The following ZNF99 variants were observed in gnomAD, a reference collection of about 807,000 sequenced individuals.
The protein encoded by ZNF99 is zinc finger protein 99, also known as zinc finger protein ENSP00000375192.
In ZNF99, 8 loss-of-function variants were observed where a neutral mutation model predicts 12.8. That is an observed-to-expected ratio of 0.62 (90% CI 0.37 to 1.13). The LOEUF is 1.13. Among genes scored for constraint, ZNF99 ranks in the 50% most tolerant of loss-of-function variants. The pLI, the probability that ZNF99 is intolerant of heterozygous loss-of-function variation, is 0.02. For missense variants in ZNF99, 1,007 were observed against 1,006.2 expected, an observed-to-expected ratio of 1.00 and a Z score of -0.01; for synonymous variants, 318 against 319.0, an observed-to-expected ratio of 1.00 and a Z score of 0.03.
intron 3 of ZNF99, among the ~76,000 whole-genome samples, chr19:22,763,824 C>T (rs1045765210): frequency 6.7e-6 from 1 of 150,100 alleles, no homozygotes; most frequent in African/African-American, 2.4e-5. Context: ...GAAATAAACC[C>T]AAATATTACA....
At chr19:22,783,444 G>GT (rs538247957) in intron 1 of ZNF99, among the ~76,000 whole-genome samples, 106 of 152,038 alleles carry the variant, frequency 7.0e-4, no homozygotes, top group Middle Eastern at 3.4e-3. Context: ...AAGAATCTAC[G>GT]TAACTGTACA....
intron 1 of ZNF99, 144 bp downstream of exon 1, chr19:22,783,870 G>A (rs1973418079): frequency 1.8e-6 from 2 of 1,087,368 alleles, no homozygotes; most frequent in Admixed American, 1.8e-5. Flanking sequence ...TATGGCTGAA[G>A]GAGACTGAGG....
Position 22,754,365 on chromosome 19 carries a change from TC to T in ZNF99, c.*2948del, listed in dbSNP as rs770484125. 5.4e-3 allele frequency: 2,012 copies of T among 370,946 alleles called. 9 individuals carry two copies. The highest frequency in any genetic ancestry group is 0.024 in the African/African-American group (1,010 of 42,336). The allele number at this position is 370,946 out of a possible 1,614,324, so 23.0% of individuals were successfully genotyped here. A position where few individuals can be genotyped will look rare whatever the true frequency, so the allele number is the denominator to read the frequency against. ...TTGGGCGACAGAGTGAGACTCCATT[TC>T]AAAAAAAAAAAAAAAACTTTGCCAC... On this transcript the variant is annotated 3_prime_UTR_variant, in exon 4 of 4. Coordinates refer to ENST00000596209, the MANE Select transcript of ZNF99 (RefSeq NM_001080409.3).
At chr19:22,761,202 C>G (rs1277979319) in intron 3 of ZNF99, among the ~76,000 whole-genome samples, 1 of 151,926 alleles carries the variant, frequency 6.6e-6, no homozygotes, top group Admixed American at 6.6e-5. Context: ...CATAGGAACA[C>G]AGACCACTAT....
In ZNF99 at chr19:22,756,938, C is replaced by G. The variant is rs747630217; in HGVS notation, c.*376G>C. The G allele has an allele frequency of 2.5e-6, 4 of 1,610,274 alleles. No homozygotes were observed. Among genetic ancestry groups the G allele is most frequent in the Non-Finnish European group, 3.4e-6 (4 of 1,178,310 alleles). On this transcript the variant is annotated 3_prime_UTR_variant, in exon 4 of 4. Transcript: ENST00000596209. ...GTTTTGAGACCACTTAAAAGCTTTACCACATTCTTCACATTTGTATGGTTT... is the reference window on the plus strand; with the variant it reads ...GTTTTGAGACCACTTAAAAGCTTTAGCACATTCTTCACATTTGTATGGTTT...
At chr19:22,763,091 C>G (rs1469103935) in intron 3 of ZNF99, among the ~76,000 whole-genome samples, 1 of 151,994 alleles carries the variant, frequency 6.6e-6, no homozygotes, top group African/African-American at 2.4e-5. Context: ...AGGATGCCCA[C>G]TTTCACCCCA....
Position 22,759,562 on chromosome 19 carries a change from T to C in ZNF99, c.347A>G (p.Asp116Gly), listed in dbSNP as rs1973127789. 4 of 1,611,826 alleles carry C rather than the reference T, an allele frequency of 2.5e-6. No individual in the cohort carries two copies. Among genetic ancestry groups the C allele is most frequent in the Non-Finnish European group, 3.4e-6 (4 of 1,179,306 alleles). ...CGHKNLRLRK[D>G]CESVNEGKMH... is the part of the protein sequence containing the mutation. ...CTTACCCTCATTGACACTTTCACAA[T>C]CTTTTCTTAATCGTAAATTCTTATG... The change falls in exon 4 of 4, where the codon GAT (aspartate) becomes GGT (glycine). Residue 116 changes from aspartate to glycine, a missense_variant. Physicochemically the swap from Asp to Gly is moderately conservative, Grantham distance 94. Transcript: ENST00000596209.
Position 22,759,084 on chromosome 19 carries a change from A to C in ZNF99, c.825T>G (p.His275Gln). ...VFNNSSTLMK[H>Q]KIIHTGKKPY... ...GTTTCTTCCCAGTATGAATTATCTT[A>C]TGTTTCATAAGGGTTGAGGAATTGT... The change falls in exon 4 of 4, where the codon CAT (histidine) becomes CAG (glutamine). Residue 275 changes from histidine (H) to glutamine (Q), a missense_variant. Transcript: ENST00000596209. The C allele has an allele frequency of 6.2e-7, 1 of 1,613,428 alleles. No individual in the cohort carries two copies. The highest frequency in any genetic ancestry group is 8.5e-7 in the Non-Finnish European group (1 of 1,179,686).
rs1054544957 is a variant in ZNF99 at position 22,752,896 on chromosome 19, C to T, written c.*4418G>A. The T allele has an allele frequency of 2.6e-5, 4 of 152,078 alleles. No homozygotes were observed. The highest frequency in any genetic ancestry group is 5.9e-5 in the Non-Finnish European group (4 of 67,966). 9.4% of individuals were successfully genotyped at this position (152,078 alleles called of 1,614,324 possible). A position where few individuals can be genotyped will look rare whatever the true frequency, so the allele number is the denominator to read the frequency against. ...TATTCCTCAGAACACCTACCTCATACATCACTCAATATTTTAAGTTAACCA... is the reference window on the plus strand; with the variant it reads ...TATTCCTCAGAACACCTACCTCATATATCACTCAATATTTTAAGTTAACCA... On this transcript the variant is annotated 3_prime_UTR_variant, in exon 4 of 4. Coordinates refer to ENST00000596209, the MANE Select transcript of ZNF99 (RefSeq NM_001080409.3).
chr19:22,767,292 T>C (rs371457414), intron 3 of ZNF99, among the ~76,000 whole-genome samples: 1 of 152,050 alleles, frequency 6.6e-6, no homozygotes, highest in East Asian at 1.9e-4. Flanking sequence ...ATTTCATTAA[T>C]TAATTAATTA....
At chr19:22,759,973 C>T (rs1234842574) in intron 3 of ZNF99, among the ~76,000 whole-genome samples, 1 of 152,176 alleles carries the variant, frequency 6.6e-6, no homozygotes, top group Non-Finnish European at 1.5e-5. Context: ...CTCAGCTCTT[C>T]CTGCTCCCCA....
intron 3 of ZNF99, among the ~76,000 whole-genome samples, chr19:22,767,107 C>CAAAAAAAAAAAA (rs35316902): frequency 1.2e-5 from 1 of 81,746 alleles, no homozygotes; most frequent in Non-Finnish European, 2.8e-5. Flanking sequence ...CTGTCTCTAC[C>CAAAAAAAAAAAA]AAAAAAAAAA....
At chr19:22,772,668 A>G (rs1973285648) in intron 1 of ZNF99, among the ~76,000 whole-genome samples, 1 of 149,738 alleles carries the variant, frequency 6.7e-6, no homozygotes, top group African/African-American at 2.5e-5. Flanking sequence ...CAAGAACGAA[A>G]TTCTGTCTCA....
intron 3 of ZNF99, among the ~76,000 whole-genome samples, chr19:22,767,733 A>G (rs1973219963): frequency 6.6e-6 from 1 of 152,176 alleles, no homozygotes; most frequent in South Asian, 2.1e-4. Flanking sequence ...AAAATAGAAA[A>G]TGTAGATAAC....
rs1462070000 is a variant in ZNF99, at chr19:22,784,135, G to T, written c.-119C>A. The T allele has an allele frequency of 2.5e-6, 3 of 1,189,756 alleles. No homozygotes were observed. Among genetic ancestry groups the T allele is most frequent in the African/African-American group, 3.1e-5 (2 of 64,648 alleles). 73.7% of individuals were successfully genotyped at this position (1,189,756 alleles called of 1,614,324 possible). A position where few individuals can be genotyped will look rare whatever the true frequency, so the allele number is the denominator to read the frequency against. ...AAAACGAGATCCGGAGCTCCAGCTG[G>T]AACCAGAAACAACGGCCCCGCCACA... On this transcript the variant is annotated 5_prime_UTR_variant, in exon 1 of 4. Transcript: ENST00000596209.
In ZNF99 at chr19:22,784,044, C is replaced by T. The variant is rs1171468373; in HGVS notation, c.-28G>A. 3 of 1,613,500 alleles carry T rather than the reference C, an allele frequency of 1.9e-6. No homozygotes were observed. In the South Asian group the frequency reaches 3.3e-5, roughly 18 times the overall value. On this transcript the variant is annotated 5_prime_UTR_variant, in exon 1 of 4. Coordinates refer to ENST00000596209, the MANE Select transcript of ZNF99 (RefSeq NM_001080409.3). Reference sequence around the variant, plus strand: ...CTAAGCTTCCAGGGGGTCCTGGCGTCCTAGCTGTGGATCTCCAAATACCTA... The same window carrying T: ...CTAAGCTTCCAGGGGGTCCTGGCGTTCTAGCTGTGGATCTCCAAATACCTA...
In ZNF99 at chr19:22,758,570, G is replaced by C; in HGVS notation, c.1339C>G (p.His447Asp). 6.2e-7 allele frequency: 1 copy of C among 1,612,868 alleles called. No individual in the cohort carries two copies. Among genetic ancestry groups the C allele is most frequent in the Non-Finnish European group, 8.5e-7 (1 of 1,179,624 alleles). Residue 447 changes from histidine (H) to aspartate (D), a missense_variant, in exon 4 of 4, where the codon CAT becomes GAT. Coordinates refer to ENST00000596209, the MANE Select transcript of ZNF99 (RefSeq NM_001080409.3). ...CATTTGTAGGGTTGCTTTCCAGTAT[G>C]AATTATCTTATGTTTTCTAAGGGCT... ...FSALRKHKII[H>D]TGKQPYKCEE... is the part of the protein sequence containing the mutation.
rs1973040125 is a variant in ZNF99, at chr19:22,755,584, G to A, written c.*1730C>T. 1 of 276,452 alleles carries A rather than the reference G, an allele frequency of 3.6e-6. No individual in the cohort carries two copies. Among genetic ancestry groups the A allele is most frequent in the South Asian group, 4.3e-5 (1 of 23,414 alleles). The allele number at this position is 276,452 out of a possible 1,614,324, so 17.1% of individuals were successfully genotyped here. ...TCTTATGTTCAGTAAGTTTTGAGAA[G>A]CAGTTAAAAGTTTTGCCAAATTCTT... On this transcript the variant is annotated 3_prime_UTR_variant, in exon 4 of 4. Coordinates refer to ENST00000596209, the MANE Select transcript of ZNF99 (RefSeq NM_001080409.3).
Position 22,753,208 on chromosome 19 carries a change from T to C in ZNF99, c.*4106A>G, listed in dbSNP as rs1972995309. 6.6e-6 allele frequency: 1 copy of C among 152,066 alleles called. No homozygotes were observed. The highest frequency in any genetic ancestry group is 2.1e-4 in the South Asian group (1 of 4,832). 9.4% of individuals were successfully genotyped at this position (152,066 alleles called of 1,614,324 possible). On this transcript the variant is annotated 3_prime_UTR_variant, in exon 4 of 4. Transcript: ENST00000596209. ...TATTTGAAGTATACAAAAAGTATAC[T>C]TCAAATGTAATTATAATTCTCCAAA...
Sources: gnomAD v4.1 joint callset for allele counts (sites outside exome capture counted in the v4.1 genomes callset) on GRCh38, gnomAD v4.1.1 for gene constraint, MANE v1.5 for transcripts, NCBI Gene and HGNC (gene_info 2026-07-23, HGNC 2026-07-21) for gene names.